The following USP34 variants were observed in gnomAD, a reference collection of about 807,000 sequenced individuals.
USP34 encodes the protein ubiquitin specific peptidase 34.
Under a neutral mutation model 460.3 loss-of-function variants are expected in USP34, and 70 were observed. The observed-to-expected ratio is 0.15, with a 90% CI of 0.13 to 0.19. The LOEUF is 0.19. Ranked by LOEUF, USP34 falls within the 10% of genes least tolerant of loss-of-function variation. USP34 has a pLI of 1.00. For missense variants in USP34, 3,985 were observed against 4,236.2 expected (o/e 0.94, Z 1.65); for synonymous variants, 1,647 against 1,405.3 (o/e 1.17, Z -3.85).
rs903285516 is a variant in USP34, at chr2:61,225,583, T to TA, written c.7595+1483dup. ...TATTCCTCTATCCACTGGAAACCAT[T>TA]AAAAAAAAAAGTTTTTGATTTATAG... is the stretch of plus-strand genomic sequence containing the variant. On this transcript the variant is annotated intron_variant, in intron 62 of 79. Coordinates refer to ENST00000398571, the MANE Select transcript of USP34 (RefSeq NM_014709.4). Among the ~76,000 whole-genome samples, 133 of 148,598 alleles carry TA rather than the reference T, an allele frequency of 9.0e-4. 1 individual carries two copies. The highest frequency in any genetic ancestry group is 1.2e-3 in the Non-Finnish European group (83 of 66,862).
intron 16 of USP34, among the ~76,000 whole-genome samples, chr2:61,342,041 A>T (rs974695032): frequency 2.6e-5 from 4 of 151,876 alleles, no homozygotes; most frequent in African/African-American, 4.8e-5. Context: ...GGGATTACAG[A>T]TGTGAGCCAC....
chr2:61,452,953 A>G (rs1695328882), intron 1 of USP34, among the ~76,000 whole-genome samples: 1 of 151,900 alleles, frequency 6.6e-6, no homozygotes, highest in Admixed American at 6.6e-5. Flanking sequence ...AGGAACAAAT[A>G]TAGTAGTTTA....
intron 41 of USP34, among the ~76,000 whole-genome samples, chr2:61,269,455 T>C (rs1483785776): frequency 4.6e-5 from 7 of 151,932 alleles, no homozygotes; most frequent in South Asian, 2.1e-4. Context: ...TGAGAGTTTA[T>C]ACATTTTAAG....
intron 21 of USP34, among the ~76,000 whole-genome samples, chr2:61,323,277 C>T (rs1429242222): frequency 6.6e-6 from 1 of 152,000 alleles, no homozygotes; most frequent in Non-Finnish European, 1.5e-5. Context: ...TTTGGGAGGC[C>T]GAGGCGGGCG....
chr2:61,313,928 AAC>A lies in USP34; in HGVS notation c.3542+655_3542+656del, dbSNP rs1177057807. On this transcript the variant is annotated intron_variant, in intron 25 of 79. Transcript: ENST00000398571. ...GTTACTAACTTTAACAATTTTTTTC[AAC>A]ACAGTTCTTAGTACTTTTACATTTG... Among the ~76,000 whole-genome samples the A allele has an allele frequency of 3.9e-5, 6 of 152,212 alleles. No individual in the cohort carries two copies. In the South Asian group the frequency reaches 8.3e-4, roughly 21 times the overall value.
At chr2:61,231,692 T>C (rs1036765121) in intron 58 of USP34, among the ~76,000 whole-genome samples, 2 of 151,662 alleles carry the variant, frequency 1.3e-5, no homozygotes, top group Non-Finnish European at 2.9e-5. Context: ...ACAGCCAGGG[T>C]GACAGAACAA....
In USP34 at chr2:61,250,953, A is replaced by C. The variant is rs184783715; in HGVS notation, c.6222-2270T>G. On this transcript the variant is annotated intron_variant, in intron 48 of 79. Transcript: ENST00000398571. ...GGAGATCGAGACCATCCTGGCTAAC[A>C]CAGTGAAACCCCGTGTCTACTAAAA... Among the ~76,000 whole-genome samples, 443 of 152,270 alleles carry C rather than the reference A, an allele frequency of 2.9e-3. 3 individuals carry two copies. The highest frequency in any genetic ancestry group is 0.01 in the African/African-American group (418 of 41,552).
At chr2:61,456,258 A>T (rs993028541) in intron 1 of USP34, among the ~76,000 whole-genome samples, 3 of 152,166 alleles carry the variant, frequency 2.0e-5, no homozygotes, top group Admixed American at 6.6e-5. Flanking sequence ...TCTTTTCCAG[A>T]AGCACACTCT....
rs368113258 is a variant in USP34, at chr2:61,348,524, T to A, written c.1675-44A>T. On this transcript the variant is annotated intron_variant, in intron 14 of 79. Coordinates refer to ENST00000398571, the MANE Select transcript of USP34 (RefSeq NM_014709.4). ...AGATTTAAATAAATATTTAAACCAG[T>A]AAGAAAAAAGGTAACCAACATTAAT... The A allele has an allele frequency of 2.8e-5, 44 of 1,564,294 alleles. No homozygotes were observed. In the Admixed American group the frequency reaches 3.6e-4, roughly 13 times the overall value.
In USP34 at chr2:61,380,848, G is replaced by A. The variant is rs560751786; in HGVS notation, c.822-487C>T. 2.3e-4 allele frequency among the ~76,000 whole-genome samples: 35 copies of A among 152,310 alleles called. 1 individual carries two copies. The South Asian group carries it at 4.6e-3, about 20-fold the overall frequency. On this transcript the variant is annotated intron_variant, in intron 6 of 79. Coordinates refer to ENST00000398571, the MANE Select transcript of USP34 (RefSeq NM_014709.4). Reference sequence around the variant, plus strand: ...CCTGCTGGATGAAAGAGAAGTGCCTGATGCTCCAACTGACATGAAGCCAAC... The same window carrying A: ...CCTGCTGGATGAAAGAGAAGTGCCTAATGCTCCAACTGACATGAAGCCAAC...
chr2:61,257,459 G>T lies in USP34; in HGVS notation c.5845-109C>A, dbSNP rs576963045. 65 of 855,244 alleles carry T rather than the reference G, an allele frequency of 7.6e-5. No individual in the cohort carries two copies. In the African/African-American group the frequency reaches 1.1e-3, roughly 14 times the overall value. 53.0% of individuals were successfully genotyped at this position (855,244 alleles called of 1,614,324 possible). ...AAAGAACAGGTAGTAAATCTACTAA[G>T]TTAGTTTTAAATGGTTGCTTCTATT... On this transcript the variant is annotated intron_variant, in intron 44 of 79. Coordinates refer to ENST00000398571, the MANE Select transcript of USP34 (RefSeq NM_014709.4).
At chr2:61,329,482 G>C (rs553748953) in intron 20 of USP34, among the ~76,000 whole-genome samples, 1 of 152,236 alleles carries the variant, frequency 6.6e-6, no homozygotes, top group South Asian at 2.1e-4. Flanking sequence ...TGTATAGAGG[G>C]AACTTTGTAA....
chr2:61,426,448 T>C (rs1464844141), intron 1 of USP34, among the ~76,000 whole-genome samples: 1 of 152,052 alleles, frequency 6.6e-6, no homozygotes, highest in African/African-American at 2.4e-5. Flanking sequence ...GAAACATCGG[T>C]GAGTCTGGCA....
At chr2:61,319,922 AG>A (rs1690864622) in intron 21 of USP34, among the ~76,000 whole-genome samples, 3 of 152,202 alleles carry the variant, frequency 2.0e-5, no homozygotes, top group Non-Finnish European at 4.4e-5. Flanking sequence ...AATAAATGTG[AG>A]CTATATATAC....
Position 61,360,319 on chromosome 2 carries a change from C to T in USP34, c.1252-9626G>A, listed in dbSNP as rs59636443. Among the ~76,000 whole-genome samples, 20 of 152,148 alleles carry T rather than the reference C, an allele frequency of 1.3e-4. 1 individual carries two copies. Among genetic ancestry groups the T allele is most frequent in the African/African-American group, 4.8e-4 (20 of 41,528 alleles). ...CTTACAACTCCACAACAACAGAAAA[C>T]TGTTAGAACTAATAAATGAATACAG... is the stretch of plus-strand genomic sequence containing the variant. On this transcript the variant is annotated intron_variant, in intron 10 of 79. Coordinates refer to ENST00000398571, the MANE Select transcript of USP34 (RefSeq NM_014709.4).
At chr2:61,272,386 G>C (rs1243904763) in intron 41 of USP34, among the ~76,000 whole-genome samples, 2 of 149,888 alleles carry the variant, frequency 1.3e-5, no homozygotes, top group Non-Finnish European at 3.0e-5. Context: ...ACTCCAGCCT[G>C]GGTGACAGAG....
intron 1 of USP34, among the ~76,000 whole-genome samples, chr2:61,434,425 C>G (rs1443729956): frequency 6.6e-6 from 1 of 152,208 alleles, no homozygotes; most frequent in African/African-American, 2.4e-5. Context: ...AGGCACAACA[C>G]CAAGCCAATT....
intron 68 of USP34, among the ~76,000 whole-genome samples, chr2:61,212,620 G>T (rs964786343): frequency 3.3e-5 from 5 of 152,116 alleles, no homozygotes; most frequent in African/African-American, 1.2e-4. Flanking sequence ...TGTCAGGAGA[G>T]GACTGCTCTT....
rs1333263345 is a variant in USP34, at chr2:61,368,858, T to C, written c.1251+1463A>G. ...ACCATAAAAACTACAACCACAAATA[T>C]GAAACTGAACAGTAAAAACCACCTT... On this transcript the variant is annotated intron_variant, in intron 10 of 79. Coordinates refer to ENST00000398571, the MANE Select transcript of USP34 (RefSeq NM_014709.4). Among the ~76,000 whole-genome samples the C allele has an allele frequency of 2.0e-5, 3 of 151,798 alleles. No homozygotes were observed. In the East Asian group the frequency reaches 5.8e-4, roughly 29 times the overall value.
Sources: allele counts gnomAD v4.1 joint callset (sites outside exome capture counted in the v4.1 genomes callset), GRCh38; gene constraint gnomAD v4.1.1; transcripts MANE v1.5; gene names NCBI Gene and HGNC (gene_info 2026-07-23, HGNC 2026-07-21).